The following TNKS2 variants were observed in gnomAD, a reference collection of about 807,000 sequenced individuals.
TNKS2 encodes the protein poly [ADP-ribose] polymerase tankyrase-2.
TNKS2 carries 72 observed loss-of-function variants against 137.6 expected under a neutral mutation model. The ratio of observed to expected loss-of-function variants is 0.52; its 90% CI spans 0.43 to 0.64. The LOEUF is 0.64. Among genes scored for constraint, TNKS2 ranks in the 30% least tolerant of loss-of-function variants. The pLI is 0.00. For synonymous variants in TNKS2, 516 were observed against 512.1 expected (o/e 1.01, Z -0.10); for missense variants, 1,049 against 1,410.2 (o/e 0.74, Z 4.10).
chr10:91,821,257 T>A (rs1047900843), intron 6 of TNKS2, among the ~76,000 whole-genome samples: 8 of 151,520 alleles, frequency 5.3e-5, no homozygotes, highest in Non-Finnish European at 1.0e-4. Flanking sequence ...AGGCTCAAAC[T>A]CCTGACCTCA....
chr10:91,812,770 T>C, intron 1 of TNKS2: 1 of 985,380 alleles, frequency 1.0e-6, no homozygotes, highest in Non-Finnish European at 1.2e-6. Flanking sequence ...AGGCACTGCT[T>C]AGGTACCACT....
intron 12 of TNKS2, 157 bp from the exon 13 acceptor site, chr10:91,836,762 C>G (rs986276505): frequency 7.8e-5 from 77 of 985,290 alleles, no homozygotes; most frequent in Non-Finnish European, 9.3e-5. Context: ...TTATTTTTCA[C>G]TCCCCAACCC....
chr10:91,837,409 A>G (rs1376557087), intron 13 of TNKS2, among the ~76,000 whole-genome samples: 2 of 152,214 alleles, frequency 1.3e-5, no homozygotes, highest in Non-Finnish European at 2.9e-5. Context: ...TCTTCACCCC[A>G]TCTACCTCTA....
chr10:91,859,649 G>A lies in TNKS2; in HGVS notation c.3281+1G>A. 1 of 1,608,834 alleles carries A rather than the reference G, an allele frequency of 6.2e-7. No homozygotes were observed. Among genetic ancestry groups the A allele is most frequent in the Non-Finnish European group, 8.5e-7 (1 of 1,177,892 alleles). Reference sequence around the variant, plus strand: ...ACAGATCTTGTTACATTTGCCACAGGTAAGAGATCACTTGTTCTCATTTAT... The same window carrying A: ...ACAGATCTTGTTACATTTGCCACAGATAAGAGATCACTTGTTCTCATTTAT... On this transcript the variant is annotated splice_donor_variant, in intron 25 of 26. Coordinates refer to ENST00000371627, the MANE Select transcript of TNKS2 (RefSeq NM_025235.4). LOFTEE classifies it high-confidence loss of function.
intron 7 of TNKS2, among the ~76,000 whole-genome samples, chr10:91,826,572 G>T (rs1057426728): frequency 2.6e-5 from 4 of 152,102 alleles, no homozygotes; most frequent in African/African-American, 9.7e-5. Flanking sequence ...CTAATATGTG[G>T]CCAGAATCGG....
intron 1 of TNKS2, among the ~76,000 whole-genome samples, chr10:91,812,043 A>T (rs1163838899): frequency 6.8e-6 from 1 of 146,134 alleles, no homozygotes. Flanking sequence ...TGGGCGACAG[A>T]GCGACACTCC....
At chr10:91,828,032 A>T (rs12242720) in intron 8 of TNKS2, among the ~76,000 whole-genome samples, 1 of 152,094 alleles carries the variant, frequency 6.6e-6, no homozygotes, top group South Asian at 2.1e-4. Context: ...AAAACAGACC[A>T]TGAATCTGCC....
Position 91,840,783 on chromosome 10 carries a change from T to C in TNKS2, c.1673+77T>C, listed in dbSNP as rs1013978347. The C allele has an allele frequency of 3.0e-5, 42 of 1,395,950 alleles. No homozygotes were observed. The East Asian group carries it at 7.9e-4, about 26-fold the overall frequency. The allele number at this position is 1,395,950 out of a possible 1,614,324, so 86.5% of individuals were successfully genotyped here. A position where few individuals can be genotyped will look rare whatever the true frequency, so the allele number is the denominator to read the frequency against. ...TTTAGGAAAACCTGGAAATATAATA[T>C]GTTTTATTTTTCAAGAAAGCCTGTT... On this transcript the variant is annotated intron_variant, in intron 14 of 26. Coordinates refer to ENST00000371627, the MANE Select transcript of TNKS2 (RefSeq NM_025235.4).
intron 18 of TNKS2, among the ~76,000 whole-genome samples, chr10:91,846,615 C>A (rs766338606): frequency 3.3e-5 from 5 of 152,124 alleles, no homozygotes; most frequent in Admixed American, 2.6e-4. Flanking sequence ...GGAAGGAATT[C>A]TTTTTGAGAT....
chr10:91,837,941 A>G (rs1842080363), intron 13 of TNKS2, among the ~76,000 whole-genome samples: 1 of 151,368 alleles, frequency 6.6e-6, no homozygotes, highest in Non-Finnish European at 1.5e-5. Flanking sequence ...TTCTATTACT[A>G]CTGACTTGTG....
rs1366210592 is a variant in TNKS2 at position 91,859,484 on chromosome 10, T to TATCC, written c.3119_3122dup (p.Lys1042ProfsTer5). On this transcript the variant is annotated frameshift_variant, in exon 25 of 27. Coordinates refer to ENST00000371627, the MANE Select transcript of TNKS2 (RefSeq NM_025235.4). LOFTEE classifies it high-confidence loss of function. The stretch of plus-strand genomic sequence containing the variant: ...CAGGGTCTCCTTTTGTGAATGCAAT[T>TATCC]ATCCACAAAGGCTTTGATGAAAGGC... The TATCC allele has an allele frequency of 6.2e-7, 1 of 1,607,384 alleles. No individual in the cohort carries two copies. Among genetic ancestry groups the TATCC allele is most frequent in the Non-Finnish European group, 8.5e-7 (1 of 1,177,494 alleles).
chr10:91,823,782 C>T (rs949795477), intron 7 of TNKS2, among the ~76,000 whole-genome samples: 2 of 152,136 alleles, frequency 1.3e-5, no homozygotes, highest in Admixed American at 6.6e-5. Flanking sequence ...GCAGCTGTTA[C>T]GGGAAGAGAA....
At chr10:91,862,898 A>G in intron 26 of TNKS2, 39 bp from the exon 27 acceptor site, 1 of 1,484,640 alleles carries the variant, frequency 6.7e-7, no homozygotes, top group Non-Finnish European at 9.3e-7. Context: ...TTTCAAGAAA[A>G]TTTTTGTACC....
In TNKS2 at chr10:91,864,715, T is replaced by G. The variant is rs1013075529; in HGVS notation, c.*1716T>G. 2 of 152,750 alleles carry G rather than the reference T, an allele frequency of 1.3e-5. No individual in the cohort carries two copies. The highest frequency in any genetic ancestry group is 3.4e-3 in the Middle Eastern group (1 of 292). 9.5% of individuals were successfully genotyped at this position (152,750 alleles called of 1,614,324 possible). ...TACAGCTCTCTAATAATTACAAATA[T>G]CCGAAAGTCATTTCTTGGAACACAA... On this transcript the variant is annotated 3_prime_UTR_variant, in exon 27 of 27. Transcript: ENST00000371627.
At chr10:91,807,537 A>G (rs1047237972) in intron 1 of TNKS2, 2 of 1,105,248 alleles carry the variant, frequency 1.8e-6, no homozygotes, top group Non-Finnish European at 2.8e-6. Context: ...CGAGTCCTGC[A>G]ATGCCATTCT....
In TNKS2 at chr10:91,829,423, G is replaced by A. The variant is rs534327483; in HGVS notation, c.1104+1017G>A. On this transcript the variant is annotated intron_variant, in intron 9 of 26. Transcript: ENST00000371627. ...GGTCATAACTACTGTGAAGCAACTC[G>A]TTTTTGTAATTAACCTTAAAACACA... 2.6e-5 allele frequency among the ~76,000 whole-genome samples: 4 copies of A among 152,158 alleles called. No individual in the cohort carries two copies. The South Asian group carries it at 6.2e-4, about 24-fold the overall frequency.
chr10:91,813,204 A>C lies in TNKS2; in HGVS notation c.421A>C (p.Ile141Leu), dbSNP rs1168118123. 1 of 1,613,432 alleles carries C rather than the reference A, an allele frequency of 6.2e-7. No individual in the cohort carries two copies. Among genetic ancestry groups the C allele is most frequent in the Non-Finnish European group, 8.5e-7 (1 of 1,179,498 alleles). The change falls in exon 2 of 27, where the codon ATT becomes CTT. Residue 141 changes from isoleucine (I) to leucine (L), a missense_variant. Around this residue, in one of 6 missense-constraint regions of TNKS2, gnomAD observed 374 missense variants for 460.8 expected, o/e 0.81. Transcript: ENST00000371627. ...AAIKGKIDVC[I>L]VLLQHGAEPT... ...AATTAAAGGAAAGATTGATGTTTGC[A>C]TTGGTAAGACTGTTTACTTTTCCGA...
At position 91,822,344 on chromosome 10, in the gene TNKS2, A is replaced by T. The variant is rs752613670; in HGVS notation, c.777A>T (p.Val259=). Residue 259 remains valine (V), a synonymous_variant, in exon 7 of 27, where the codon GTA becomes GTT. Transcript: ENST00000371627. ...CCTGTTCTTATGGTCATTATGAAGT[A>T]ACTGAACTTTTGGTCAAGGTTAGTG... is the stretch of plus-strand genomic sequence containing the variant. ...HNACSYGHYE[V]TELLVKHGAC... 1 of 1,613,396 alleles carries T rather than the reference A, an allele frequency of 6.2e-7. No homozygotes were observed.
intron 25 of TNKS2, 114 bp downstream of exon 25, chr10:91,859,762 T>G: frequency 2.6e-6 from 2 of 783,130 alleles, no homozygotes; most frequent in Non-Finnish European, 4.0e-6. Context: ...TAGGCATGTT[T>G]TAGATTGCTT....
Sources: allele counts gnomAD v4.1 joint callset (sites outside exome capture counted in the v4.1 genomes callset), GRCh38; gene constraint gnomAD v4.1.1; regional missense constraint gnomAD v4.1.1; transcripts MANE v1.5; gene names NCBI Gene and HGNC (gene_info 2026-07-23, HGNC 2026-07-21).